Variants in FIG4 observed in about 807,000 individuals in gnomAD.
FIG4 encodes FIG4 phosphoinositide 5-phosphatase.
In FIG4, 112 loss-of-function variants were observed where a neutral mutation model predicts 118.6. That is an observed-to-expected ratio of 0.94 (90% confidence interval 0.81 to 1.11). The LOEUF (loss-of-function observed/expected upper bound fraction) is 1.11. Ranked by LOEUF, FIG4 falls within the 50% of genes least tolerant of loss-of-function variation. FIG4 has a pLI of 0.00. For missense variants in FIG4, 969 were observed against 1,111.7 expected (o/e 0.87, Z 1.83); for synonymous variants, 369 against 381.2 (o/e 0.97, Z 0.37).
chr6:109,710,478 T>A (rs1775223342), intron 1 of FIG4, among the ~76,000 whole-genome samples: 1 of 152,228 alleles, frequency 6.6e-6, no homozygotes, highest in South Asian at 2.1e-4. Flanking sequence ...TAGAATGAGT[T>A]AGGGAGGAGT....
At chr6:109,820,283 G>C (rs1470094154) in intron 22 of FIG4, among the ~76,000 whole-genome samples, 1 of 152,198 alleles carries the variant, frequency 6.6e-6, no homozygotes, top group African/African-American at 2.4e-5. Context: ...TGCAATAAAA[G>C]TATATCTGAT....
chr6:109,731,321 T>C (rs1482094471), intron 4 of FIG4, among the ~76,000 whole-genome samples: 1 of 152,210 alleles, frequency 6.6e-6, no homozygotes, highest in Non-Finnish European at 1.5e-5. Context: ...TAGTGCACAG[T>C]GGTTCTTGTT....
At chr6:109,823,021 A>T (rs1455076423) in intron 22 of FIG4, among the ~76,000 whole-genome samples, 1 of 152,080 alleles carries the variant, frequency 6.6e-6, no homozygotes, top group East Asian at 1.9e-4. Context: ...TAGCAGCCTT[A>T]GACATAACAA....
At chr6:109,772,552 G>A (rs1173873562) in intron 15 of FIG4, among the ~76,000 whole-genome samples, 1 of 152,094 alleles carries the variant, frequency 6.6e-6, no homozygotes, top group East Asian at 1.9e-4. Flanking sequence ...TGCTTCCTGG[G>A]TTCAAGAGAC....
In FIG4 at chr6:109,736,025, G is replaced by A. The variant is rs543454724; in HGVS notation, c.646+727G>A. ...AATACCTTTATCGCCAAATTTTTGG[G>A]TTGGTCTAGCACTGTAAAGCTAGAG... On this transcript the variant is annotated intron_variant, in intron 6 of 22. Transcript: ENST00000230124. 1.6e-3 allele frequency among the ~76,000 whole-genome samples: 245 copies of A among 152,158 alleles called. 1 individual carries two copies. Among genetic ancestry groups the A allele is most frequent in the African/African-American group, 5.8e-3 (239 of 41,532 alleles).
At chr6:109,716,771 G>C (rs1437170301) in intron 3 of FIG4, among the ~76,000 whole-genome samples, 2 of 152,172 alleles carry the variant, frequency 1.3e-5, no homozygotes, top group Non-Finnish European at 2.9e-5. Flanking sequence ...GCACTGCTCA[G>C]TTTTATTTAG....
chr6:109,796,577 C>T (rs1778293113), intron 21 of FIG4, among the ~76,000 whole-genome samples, 188 bp from the exon 22 acceptor site: 1 of 152,186 alleles, frequency 6.6e-6, no homozygotes, highest in African/African-American at 2.4e-5. Context: ...AGTAGAATCC[C>T]TTTTCCTACT....
chr6:109,797,009 C>T lies in FIG4; in HGVS notation c.2546+158C>T, dbSNP rs7745191. On this transcript the variant is annotated intron_variant, in intron 22 of 22. Transcript: ENST00000230124. ...GTACCTTACTTGAGGAAAACTGGGT[C>T]TCTGAGGGATAGGGAAGAGGTTGGC... Among the ~76,000 whole-genome samples, 2,369 of 152,246 alleles carry T rather than the reference C, an allele frequency of 0.016. 58 individuals are homozygous for T. The highest frequency in any genetic ancestry group is 0.11 in the East Asian group (552 of 5,178).
rs1775095019 is a variant in FIG4 at position 109,707,186 on chromosome 6, GAGGTC to G, written c.67-7888_67-7884del. On this transcript the variant is annotated intron_variant, in intron 1 of 22. Transcript: ENST00000230124. ...GAATTTCTTGACTAGCTTTCTTCTTGAGGTCAGGCTAACCCATCATTTTTAACAGA... is the reference window on the plus strand; with the variant it reads ...GAATTTCTTGACTAGCTTTCTTCTTGAGGCTAACCCATCATTTTTAACAGA... Among the ~76,000 whole-genome samples, 5 of 151,782 alleles carry G rather than the reference GAGGTC, an allele frequency of 3.3e-5. No individual in the cohort carries two copies. The South Asian group carries it at 1.0e-3, about 31-fold the overall frequency.
At chr6:109,819,789 C>A (rs1225678074) in intron 22 of FIG4, among the ~76,000 whole-genome samples, 1 of 152,140 alleles carries the variant, frequency 6.6e-6, no homozygotes, top group Non-Finnish European at 1.5e-5. Context: ...AATAGTTCAC[C>A]TTTACTGAGC....
chr6:109,705,633 ATG>A (rs1321419656), intron 1 of FIG4, among the ~76,000 whole-genome samples: 1 of 152,150 alleles, frequency 6.6e-6, no homozygotes, highest in Admixed American at 6.5e-5. Flanking sequence ...CTTCCTAAGT[ATG>A]TGTTTCGAAG....
intron 22 of FIG4, among the ~76,000 whole-genome samples, chr6:109,816,720 T>C (rs1294343016): frequency 6.6e-6 from 1 of 152,088 alleles, no homozygotes; most frequent in Non-Finnish European, 1.5e-5. Flanking sequence ...ATTCTGTAAA[T>C]CTAAAGTGGT....
At chr6:109,821,560 CTGAAGA>C (rs993077359) in intron 22 of FIG4, among the ~76,000 whole-genome samples, 129 of 152,286 alleles carry the variant, frequency 8.5e-4, no homozygotes, top group African/African-American at 3.0e-3. Context: ...TTAAAAAGGA[CTGAAGA>C]TGAAGTGTCA....
chr6:109,727,340 A>G, intron 4 of FIG4, 75 bp downstream of exon 4: 2 of 1,183,426 alleles, frequency 1.7e-6, no homozygotes, highest in South Asian at 1.2e-5. Flanking sequence ...GAAGGCTGGA[A>G]TATAATGGCA....
chr6:109,816,689 C>T (rs1026564747), intron 22 of FIG4, among the ~76,000 whole-genome samples: 2 of 151,904 alleles, frequency 1.3e-5, no homozygotes, highest in Non-Finnish European at 2.9e-5. Context: ...TATGTAGGAA[C>T]TCTCTGTCCT....
At chr6:109,781,563 A>G (rs1438517216) in intron 16 of FIG4, among the ~76,000 whole-genome samples, 1 of 151,770 alleles carries the variant, frequency 6.6e-6, no homozygotes, top group Admixed American at 6.6e-5. Flanking sequence ...GATAAGCATA[A>G]GGTCACACCA....
chr6:109,818,755 CA>C (rs1172524501), intron 22 of FIG4, among the ~76,000 whole-genome samples: 4 of 152,182 alleles, frequency 2.6e-5, no homozygotes, highest in African/African-American at 9.7e-5. Context: ...AAGAGCACAT[CA>C]CCTGTGCCAC....
chr6:109,804,119 C>T (rs1778501958), intron 22 of FIG4, among the ~76,000 whole-genome samples: 1 of 152,006 alleles, frequency 6.6e-6, no homozygotes, highest in Admixed American at 6.6e-5. Context: ...ACACTCTTAC[C>T]TTTTACATGA....
chr6:109,808,350 CAAAAAAAAA>C (rs55948419), intron 22 of FIG4, among the ~76,000 whole-genome samples: 4 of 67,044 alleles, frequency 6.0e-5, no homozygotes, highest in Non-Finnish European at 8.0e-5. Context: ...ACACTCACAG[CAAAAAAAAA>C]AAAAAAAAAA....
Sources: gnomAD v4.1 joint callset for allele counts (sites outside exome capture counted in the v4.1 genomes callset) on GRCh38, gnomAD v4.1.1 for gene constraint, MANE v1.5 for transcripts, NCBI Gene and HGNC (gene_info 2026-07-23, HGNC 2026-07-21) for gene names.